The following MDN1 variants were observed in gnomAD, a reference collection of about 807,000 sequenced individuals.
MDN1 encodes the protein midasin AAA ATPase 1, also known as midasin.
A neutral mutation model predicts 669.2 loss-of-function variants in MDN1; 266 were observed. The observed-to-expected ratio is 0.40, with a 90% CI of 0.36 to 0.44. The LOEUF is 0.44. MDN1 is among the 20% of genes least tolerant of loss of function. The pLI is 1.00. For synonymous variants in MDN1, 2,385 were observed against 2,457.1 expected, an observed-to-expected ratio of 0.97 and a Z score of 0.87; for missense variants, 5,940 against 6,754.0, an observed-to-expected ratio of 0.88 and a Z score of 4.22.
chr6:89,695,825 G>T lies in MDN1; in HGVS notation c.9551C>A (p.Ala3184Asp). The T allele has an allele frequency of 6.2e-7, 1 of 1,613,856 alleles. No homozygotes were observed. Residue 3184 changes from alanine to aspartate, a missense_variant, in exon 61 of 102, where the codon GCT (alanine) becomes GAT (aspartate). Ala to Asp is a moderately radical substitution (Grantham distance 126, BLOSUM62 -2). Transcript: ENST00000369393. This position sits in a 1 kb window ranked among gnomAD's most constrained non-coding sequence, Gnocchi z 4.1. ...TTCCTTGGGCAGCACCTCCTGACCA[G>T]CCATGTCCCCAAGTGTCTGGCCCAC... ...QHVGQTLGDMAGQEVLPKELL... is the reference protein window; with the variant it reads ...QHVGQTLGDMDGQEVLPKELL...
intron 40 of MDN1, among the ~76,000 whole-genome samples, chr6:89,722,280 CATTT>C (rs1447834433): frequency 6.6e-6 from 1 of 152,208 alleles, no homozygotes; most frequent in African/African-American, 2.4e-5. Context: ...TGTAATTTGA[CATTT>C]ATTTAAAAAC....
At position 89,803,441 on chromosome 6, in the gene MDN1, CA is replaced by C; in HGVS notation, c.215del (p.Leu72CysfsTer27). The C allele has an allele frequency of 3.1e-6, 5 of 1,614,116 alleles. No individual in the cohort carries two copies. The highest frequency in any genetic ancestry group is 4.2e-6 in the Non-Finnish European group (5 of 1,180,006). ...GRQLRPLLLD[L>X]LERNAEAIKA... ...TAATGGCTTCGGCATTCCTTTCCAG[CA>C]AATCCAAAAGGAGAGGGCGAAGCTG... On this transcript the variant is annotated frameshift_variant, in exon 2 of 102. Coordinates refer to ENST00000369393, the MANE Select transcript of MDN1 (RefSeq NM_014611.3).
In MDN1 at chr6:89,785,116, A is replaced by C. The variant is rs1415378961; in HGVS notation, c.1345T>G (p.Cys449Gly). The C allele has an allele frequency of 1.2e-6, 2 of 1,611,384 alleles. No individual in the cohort carries two copies. The highest frequency in any genetic ancestry group is 2.7e-5 in the African/African-American group (2 of 74,838). ...AGCGGTCGATACCAATTTCCTCCACAGCTCAAGAGTCTACGTTTCAAAATA... is the reference window on the plus strand; with the variant it reads ...AGCGGTCGATACCAATTTCCTCCACCGCTCAAGAGTCTACGTTTCAAAATA... Reference protein sequence around the residue: ...QFFATRRLLSCGGNWYRPLNS... With the variant: ...QFFATRRLLSGGGNWYRPLNS... Residue 449 changes from cysteine to glycine, a missense_variant, in exon 9 of 102, where the codon TGT becomes GGT. This residue lies in a region of MDN1 where 1,203 missense variants were observed against 1,268.9 expected (regional missense o/e 0.95). Coordinates refer to ENST00000369393, the MANE Select transcript of MDN1 (RefSeq NM_014611.3).
chr6:89,801,234 A>G (rs1767636896), intron 2 of MDN1, among the ~76,000 whole-genome samples: 1 of 152,106 alleles, frequency 6.6e-6, no homozygotes, highest in Non-Finnish European at 1.5e-5. Context: ...CATCCACACT[A>G]AAAGTACAAA....
At chr6:89,727,756 T>C in intron 37 of MDN1, 77 bp downstream of exon 37, 1 of 1,607,242 alleles carries the variant, frequency 6.2e-7, no homozygotes, top group Non-Finnish European at 8.5e-7. Flanking sequence ...AAATGGATTG[T>C]GAAATGGAGC....
intron 75 of MDN1, 56 bp from the exon 76 acceptor site, chr6:89,677,752 C>G: frequency 3.1e-6 from 5 of 1,606,092 alleles, no homozygotes; most frequent in Non-Finnish European, 4.3e-6. Context: ...AATGGATGTG[C>G]CCCCCTCTCC....
intron 20 of MDN1, 78 bp downstream of exon 20, chr6:89,756,199 A>T (rs1038280169): frequency 9.7e-6 from 6 of 619,900 alleles, no homozygotes; most frequent in Non-Finnish European, 1.6e-5. Flanking sequence ...AAAAGAATAC[A>T]TATTTGTGTG....
chr6:89,819,233 G>A (rs1391136205), intron 1 of MDN1, among the ~76,000 whole-genome samples: 1 of 152,148 alleles, frequency 6.6e-6, no homozygotes, highest in African/African-American at 2.4e-5. Flanking sequence ...GGCCACCTCT[G>A]CCACAAGCAG....
chr6:89,786,981 C>T (rs1229444001), intron 8 of MDN1, among the ~76,000 whole-genome samples: 1 of 150,242 alleles, frequency 6.7e-6, no homozygotes, highest in Non-Finnish European at 1.5e-5. Context: ...TGGCATGTGC[C>T]TGTAGTCTCA....
rs772797984 is a variant in MDN1 at position 89,668,156 on chromosome 6, G to GA, written c.13957-6dup. 1.9e-6 allele frequency: 3 copies of GA among 1,605,736 alleles called. No individual in the cohort carries two copies. The Admixed American group carries it at 5.2e-5, about 28-fold the overall frequency. On this transcript the variant is annotated splice_polypyrimidine_tract_variant and splice_region_variant and intron_variant, in intron 83 of 101. Coordinates refer to ENST00000369393, the MANE Select transcript of MDN1 (RefSeq NM_014611.3). ...TTCTTTGGGCAAGCAAAATCCCTTA[G>GA]AAAAAAGAAAAAGGAAGTGAACAAT...
At chr6:89,801,818 C>T (rs1200657776) in intron 2 of MDN1, among the ~76,000 whole-genome samples, 1 of 150,950 alleles carries the variant, frequency 6.6e-6, no homozygotes, top group Non-Finnish European at 1.5e-5. Flanking sequence ...AAGAATTAGC[C>T]AGGTGTAGTG....
chr6:89,673,121 TG>T, intron 80 of MDN1, 114 bp downstream of exon 80: 2 of 902,952 alleles, frequency 2.2e-6, no homozygotes, highest in Non-Finnish European at 3.4e-6. Context: ...CTCAGAACCC[TG>T]GACAGGTACA....
In MDN1 at chr6:89,658,874, A is replaced by T. The variant is rs115080892; in HGVS notation, c.14757T>A (p.Gly4919=). The change falls in exon 89 of 102, where the codon GGT becomes GGA. Residue 4919 remains glycine, a synonymous_variant. Coordinates refer to ENST00000369393, the MANE Select transcript of MDN1 (RefSeq NM_014611.3). ...LEIKEKPEEA[G]HEAEERGETE... is the part of the protein sequence containing the mutation. ...TCTCTCCTCTTTCCTCAGCTTCATG[A>T]CCTGCTTCTTCTGGTTTTTCTTTTA... 1.9e-6 allele frequency: 3 copies of T among 1,613,232 alleles called. No individual in the cohort carries two copies. Among genetic ancestry groups the T allele is most frequent in the Admixed American group, 1.7e-5 (1 of 59,798 alleles).
chr6:89,696,597 A>G (rs1174844852), intron 59 of MDN1, 23 bp from the exon 60 acceptor site: 2 of 1,576,562 alleles, frequency 1.3e-6, no homozygotes, highest in Admixed American at 1.7e-5. Context: ...AGAAGAGTCA[A>G]TAACTTTTAG....
intron 22 of MDN1, among the ~76,000 whole-genome samples, chr6:89,752,989 G>A (rs901302235): frequency 2.6e-5 from 4 of 152,016 alleles, no homozygotes; most frequent in African/African-American, 7.2e-5. Context: ...TGGGCATGGT[G>A]GCATGCGCTT....
intron 2 of MDN1, among the ~76,000 whole-genome samples, chr6:89,801,199 C>T (rs1326263959): frequency 6.6e-6 from 1 of 152,004 alleles, no homozygotes; most frequent in Non-Finnish European, 1.5e-5. Flanking sequence ...AATTCAAGAC[C>T]AGCCTGGCCA....
intron 1 of MDN1, among the ~76,000 whole-genome samples, chr6:89,818,502 C>T (rs1218993941): frequency 2.0e-5 from 3 of 151,296 alleles, no homozygotes; most frequent in African/African-American, 7.3e-5. Context: ...ATTAGCCACA[C>T]CTGGGACCCA....
chr6:89,651,551 G>C (rs539655908), intron 95 of MDN1, among the ~76,000 whole-genome samples: 116 of 152,244 alleles, frequency 7.6e-4, no homozygotes, highest in African/African-American at 2.6e-3. Flanking sequence ...GGGAGGCAGA[G>C]CTTGCAGTGA....
chr6:89,642,870 T>A lies in MDN1; in HGVS notation c.*1135A>T, dbSNP rs546565865. 1 of 152,374 alleles carries A rather than the reference T, an allele frequency of 6.6e-6. No homozygotes were observed. Among genetic ancestry groups the A allele is most frequent in the African/African-American group, 2.4e-5 (1 of 41,592 alleles). The allele number at this position is 152,374 out of a possible 1,614,324, so 9.4% of individuals were successfully genotyped here. ...AAATGATATAACTTCAGGTACATGC[T>A]TTGGGACACTTGGTTAAACAAGGAA... On this transcript the variant is annotated 3_prime_UTR_variant, in exon 102 of 102. Transcript: ENST00000369393.
Sources: gnomAD v4.1 joint callset for allele counts (sites outside exome capture counted in the v4.1 genomes callset) on GRCh38, gnomAD v4.1.1 for gene constraint, gnomAD v4.1.1 regional missense constraint, Gnocchi (gnomAD v3.1) non-coding constraint, MANE v1.5 for transcripts, NCBI Gene and HGNC (gene_info 2026-07-23, HGNC 2026-07-21) for gene names.